Variants in KLF12 observed in about 807,000 individuals in gnomAD.
The protein encoded by KLF12 is KLF transcription factor 12.
In KLF12, 9 loss-of-function variants were observed where a neutral mutation model predicts 37.8. That is an observed-to-expected ratio of 0.24 (90% CI 0.14 to 0.42). The LOEUF (loss-of-function observed/expected upper bound fraction) is 0.42, where lower values mean the gene tolerates loss of function less well. KLF12 is among the 10% of genes least tolerant of loss of function. The probability of loss-of-function intolerance (pLI) is 1.00; values close to 1 mark genes in which losing one functional copy is unlikely to be tolerated. For missense variants in KLF12, 411 were observed against 516.0 expected (o/e 0.80, Z 1.97); for synonymous variants, 208 against 202.1 (o/e 1.03, Z -0.25).
chr13:73,718,986 C>T (rs1034080842), intron 6 of KLF12, among the ~76,000 whole-genome samples: 20 of 152,270 alleles, frequency 1.3e-4, no homozygotes, highest in African/African-American at 3.9e-4. Flanking sequence ...AAAGGATATA[C>T]GCAATGAATA....
chr13:73,845,668 A>T (rs1377136610), intron 4 of KLF12, among the ~76,000 whole-genome samples, 159 bp downstream of exon 4: 1 of 152,160 alleles, frequency 6.6e-6, no homozygotes, highest in Non-Finnish European at 1.5e-5. Context: ...GTTCCCTCTA[A>T]ACTGTGTTCT....
chr13:73,898,977 GC>G (rs1162545505), intron 3 of KLF12, among the ~76,000 whole-genome samples: 3 of 152,200 alleles, frequency 2.0e-5, no homozygotes, highest in African/African-American at 7.2e-5. Flanking sequence ...GCCATGCCAG[GC>G]AACTGCAGCA....
the KLF12 span, among the ~76,000 whole-genome samples, chr13:74,271,720 A>G: frequency 6.6e-6 from 1 of 152,180 alleles, no homozygotes; most frequent in Non-Finnish European, 1.5e-5. Flanking sequence ...AAAGGGATCA[A>G]TTTTTCTCTC....
the KLF12 span, among the ~76,000 whole-genome samples, chr13:74,298,104 T>G: frequency 6.6e-6 from 1 of 152,156 alleles, no homozygotes; most frequent in Non-Finnish European, 1.5e-5. Context: ...GGTAGCAGAG[T>G]CAATGTAGGA....
the KLF12 span, among the ~76,000 whole-genome samples, chr13:74,292,316 T>C: frequency 1.3e-5 from 2 of 152,194 alleles, no homozygotes; most frequent in Non-Finnish European, 2.9e-5. Flanking sequence ...AATTAATCTA[T>C]CTAAACTTCA....
intron 5 of KLF12, among the ~76,000 whole-genome samples, chr13:73,784,601 T>G (rs954035880): frequency 9.4e-5 from 14 of 149,580 alleles, no homozygotes; most frequent in South Asian, 4.3e-4. Context: ...CCTCCTCCAC[T>G]CCAGCATCTC....
chr13:74,075,387 A>C (rs1874503792), intron 1 of KLF12, among the ~76,000 whole-genome samples: 1 of 152,248 alleles, frequency 6.6e-6, no homozygotes, highest in African/African-American at 2.4e-5. Flanking sequence ...AATGTAAAGC[A>C]ATGGCTCTCA....
At chr13:73,938,060 C>T (rs1485619164) in intron 3 of KLF12, among the ~76,000 whole-genome samples, 4 of 152,154 alleles carry the variant, frequency 2.6e-5, no homozygotes, top group Non-Finnish European at 5.9e-5. Flanking sequence ...TAAGCAAACT[C>T]GTATTTCCAA....
chr13:73,835,495 G>A (rs1884382771), intron 4 of KLF12, among the ~76,000 whole-genome samples: 1 of 152,006 alleles, frequency 6.6e-6, no homozygotes, highest in Non-Finnish European at 1.5e-5. Context: ...AAAAACAACT[G>A]AGAAAAGGAA....
chr13:73,791,004 A>AG (rs1230981317), intron 5 of KLF12, among the ~76,000 whole-genome samples: 1 of 152,204 alleles, frequency 6.6e-6, no homozygotes, highest in South Asian at 2.1e-4. Context: ...TTTGAGAAAA[A>AG]GGGGGAGTTG....
chr13:73,877,810 G>C (rs1886789335), intron 3 of KLF12, among the ~76,000 whole-genome samples: 1 of 152,036 alleles, frequency 6.6e-6, no homozygotes, highest in Non-Finnish European at 1.5e-5. Context: ...GGAAATATTG[G>C]GTAGAACAGG....
At chr13:73,941,796 A>G (rs1890197815) in intron 3 of KLF12, among the ~76,000 whole-genome samples, 1 of 152,224 alleles carries the variant, frequency 6.6e-6, no homozygotes, top group Admixed American at 6.5e-5. Flanking sequence ...GCTACAAAAG[A>G]GAATGAAATT....
chr13:73,738,124 T>TACACAC (rs199524649), intron 6 of KLF12, among the ~76,000 whole-genome samples: 209 of 81,816 alleles, frequency 2.6e-3, no homozygotes, highest in Non-Finnish European at 3.4e-3. Flanking sequence ...TATATATATA[T>TACACAC]ACACACACAC....
At chr13:74,192,057 T>C in the KLF12 span, among the ~76,000 whole-genome samples, 52 of 152,114 alleles carry the variant, frequency 3.4e-4, no homozygotes, top group Non-Finnish European at 7.2e-4. Context: ...AAACTTATTG[T>C]AACTAGGCCT....
chr13:73,739,428 G>A (rs931532560), intron 6 of KLF12, among the ~76,000 whole-genome samples: 2 of 152,058 alleles, frequency 1.3e-5, no homozygotes, highest in Non-Finnish European at 2.9e-5. Context: ...TTAAGGTATT[G>A]TTGTTTACCT....
chr13:74,082,210 G>A (rs560132732), intron 1 of KLF12, among the ~76,000 whole-genome samples: 2 of 150,128 alleles, frequency 1.3e-5, no homozygotes, highest in South Asian at 4.2e-4. Context: ...GTGCGTACCT[G>A]TAATCCCAGC....
chr13:74,151,462 GC>G, the KLF12 span, among the ~76,000 whole-genome samples: 1 of 151,996 alleles, frequency 6.6e-6, no homozygotes, highest in African/African-American at 2.4e-5. Flanking sequence ...ACCAGCCTGG[GC>G]AACAATGCGA....
chr13:73,915,479 G>A (rs550132882), intron 3 of KLF12, among the ~76,000 whole-genome samples: 15 of 151,526 alleles, frequency 9.9e-5, no homozygotes, highest in Non-Finnish European at 1.5e-4. Flanking sequence ...CCCTGCAGTC[G>A]CTGCTCTGAT....
chr13:73,787,000 C>T (rs1202813952), intron 5 of KLF12, among the ~76,000 whole-genome samples: 1 of 152,142 alleles, frequency 6.6e-6, no homozygotes, highest in Non-Finnish European at 1.5e-5. Context: ...CCTGGACCAC[C>T]TCAGGCAGAA....
Sources: allele counts gnomAD v4.1 joint callset (sites outside exome capture counted in the v4.1 genomes callset), GRCh38; gene constraint gnomAD v4.1.1; transcripts MANE v1.5; gene names NCBI Gene and HGNC (gene_info 2026-07-23, HGNC 2026-07-21).